Variants in GCSAM observed in about 807,000 individuals in gnomAD.
GCSAM encodes germinal center associated signaling and motility.
In GCSAM, 8 loss-of-function variants were observed where a neutral mutation model predicts 17.6. That is an observed-to-expected ratio of 0.46 (90% CI 0.27 to 0.82). The LOEUF (loss-of-function observed/expected upper bound fraction) is 0.82. Ranked by LOEUF, GCSAM falls within the 40% of genes least tolerant of loss-of-function variation. The pLI is 0.15. For synonymous variants in GCSAM, 68 were observed against 69.0 expected (o/e 0.98, Z 0.07); for missense variants, 192 against 213.5 (o/e 0.90, Z 0.63).
At position 112,123,754 on chromosome 3, in the gene GCSAM, AGGTCT is replaced by A; in HGVS notation, c.233_237del (p.Gln78LeufsTer25). ...AGGGTATAGCACAGCTCCTCTGAGT[AGGTCT>A]GGTCAACATTGTCCTGCTTGTCAAA... is the stretch of plus-strand genomic sequence containing the variant. On this transcript the variant is annotated frameshift_variant, in exon 6 of 6. Coordinates refer to ENST00000308910, the MANE Select transcript of GCSAM (RefSeq NM_152785.5). LOFTEE classifies it low-confidence loss of function (END_TRUNC). 1 of 1,612,980 alleles carries A rather than the reference AGGTCT, an allele frequency of 6.2e-7. No homozygotes were observed. The highest frequency in any genetic ancestry group is 1.1e-5 in the South Asian group (1 of 90,988).
At chr3:112,125,327 A>G (rs1406238736) in intron 4 of GCSAM, 73 bp from the exon 5 acceptor site, 1 of 1,029,414 alleles carries the variant, frequency 9.7e-7, no homozygotes, top group Non-Finnish European at 1.5e-6. Context: ...GGGAGGCTAG[A>G]ATATAAATAA....
chr3:112,133,126 C>T lies in GCSAM; in HGVS notation c.-6G>A. ...CTCAGCAGAGAATTTCCCATCCTCT[C>T]AGTCCTCTCAGGGCTTCCCCTCCGT... On this transcript the variant is annotated 5_prime_UTR_variant, in exon 1 of 6. Coordinates refer to ENST00000308910, the MANE Select transcript of GCSAM (RefSeq NM_152785.5). 3.1e-6 allele frequency: 5 copies of T among 1,613,924 alleles called. No homozygotes were observed. Among genetic ancestry groups the T allele is most frequent in the Non-Finnish European group, 4.2e-6 (5 of 1,179,748 alleles).
At chr3:112,131,074 A>T (rs1408239141) in intron 1 of GCSAM, 1 of 155,648 alleles carries the variant, frequency 6.4e-6, no homozygotes, top group Non-Finnish European at 1.4e-5. Flanking sequence ...ATGAGGATAA[A>T]GAAACTAACA....
At chr3:112,128,263 A>T (rs1458735178) in intron 2 of GCSAM, 1 of 695,694 alleles carries the variant, frequency 1.4e-6, no homozygotes, top group Non-Finnish European at 2.6e-6. Flanking sequence ...ATTCCTAATC[A>T]GGAAAAAAGC....
chr3:112,121,184 G>A lies in GCSAM; in HGVS notation c.*2271C>T, dbSNP rs1011742899. Reference sequence around the variant, plus strand: ...ACAGATAATGCTTTCACAGGATAAGGTTCAAACAAATATAACTTACTATGT... The same window carrying A: ...ACAGATAATGCTTTCACAGGATAAGATTCAAACAAATATAACTTACTATGT... On this transcript the variant is annotated 3_prime_UTR_variant, in exon 6 of 6. Transcript: ENST00000308910. The A allele has an allele frequency of 6.6e-6, 1 of 152,102 alleles. No homozygotes were observed. The highest frequency in any genetic ancestry group is 1.5e-5 in the Non-Finnish European group (1 of 68,036). The allele number at this position is 152,102 out of a possible 1,614,324, so 9.4% of individuals were successfully genotyped here.
intron 2 of GCSAM, 27 bp downstream of exon 2, chr3:112,130,418 G>T (rs374019602): frequency 1.3e-6 from 2 of 1,594,124 alleles, no homozygotes; most frequent in Non-Finnish European, 1.7e-6. Context: ...CAAGGTCTGG[G>T]GGGTGTTTGG....
chr3:112,125,170 G>A, intron 5 of GCSAM, 56 bp downstream of exon 5: 2 of 1,115,530 alleles, frequency 1.8e-6, no homozygotes, highest in East Asian at 2.3e-5. Flanking sequence ...CTGCCATTTA[G>A]GGTGTCTGTA....
Position 112,123,472 on chromosome 3 carries a change from G to T in GCSAM, c.520C>A (p.Gln174Lys). 1.2e-6 allele frequency: 2 copies of T among 1,614,014 alleles called. No homozygotes were observed. The highest frequency in any genetic ancestry group is 2.2e-5 in the South Asian group (2 of 91,070). ...PRPLMAPSET[Q>K]FSHL The stretch of plus-strand genomic sequence containing the variant: ...CCACTTCACTATAAATGGGAAAACT[G>T]AGTCTCAGAAGGGGCCATAAGTGGA... The change falls in exon 6 of 6, where the codon CAG (glutamine) becomes AAG (lysine). Residue 174 changes from glutamine (Q) to lysine (K), a missense_variant. Gln to Lys is a moderately conservative substitution (Grantham distance 53). Transcript: ENST00000308910.
chr3:112,127,975 C>A (rs1243682839), intron 3 of GCSAM, 42 bp downstream of exon 3: 7 of 1,577,294 alleles, frequency 4.4e-6, no homozygotes, highest in Non-Finnish European at 6.1e-6. Flanking sequence ...ACATTGAAAC[C>A]ACACTTAGGG....
chr3:112,132,078 A>G (rs1022443217), intron 1 of GCSAM, among the ~76,000 whole-genome samples: 9 of 152,224 alleles, frequency 5.9e-5, no homozygotes, highest in Non-Finnish European at 1.0e-4. Context: ...AGCATCTCAT[A>G]TCTAGTAATA....
intron 1 of GCSAM, chr3:112,132,571 A>G: frequency 5.5e-6 from 4 of 723,732 alleles, no homozygotes; most frequent in African/African-American, 1.9e-5. Context: ...CTTAAAATAA[A>G]GAGGCTGAGG....
chr3:112,132,250 G>A (rs1253654619), intron 1 of GCSAM, among the ~76,000 whole-genome samples: 3 of 152,080 alleles, frequency 2.0e-5, no homozygotes, highest in African/African-American at 7.2e-5. Flanking sequence ...GTGGTCAAAA[G>A]TGGGCTACCA....
At chr3:112,126,857 A>T (rs2074332503) in intron 4 of GCSAM, 130 bp downstream of exon 4, 1 of 714,106 alleles carries the variant, frequency 1.4e-6, no homozygotes, top group South Asian at 1.6e-5. Flanking sequence ...ATGCAATTGG[A>T]TACAGTAAAG....
At chr3:112,132,542 T>C in intron 1 of GCSAM, 1 of 449,394 alleles carries the variant, frequency 2.2e-6, no homozygotes. Context: ...CTAAGGTAGA[T>C]ATTGTATTAT....
intron 1 of GCSAM, among the ~76,000 whole-genome samples, chr3:112,131,784 A>G (rs2074459101): frequency 6.6e-6 from 1 of 152,252 alleles, no homozygotes; most frequent in Admixed American, 6.5e-5. Flanking sequence ...GTCTTATCTT[A>G]GGAAGAGCAA....
chr3:112,125,361 G>T (rs1559983443), intron 4 of GCSAM, 107 bp from the exon 5 acceptor site: 1 of 771,556 alleles, frequency 1.3e-6, no homozygotes, highest in Admixed American at 1.9e-5. Context: ...AAACAGCTGG[G>T]GTAGCTCTTC....
intron 4 of GCSAM, 25 bp from the exon 5 acceptor site, chr3:112,125,279 G>T: frequency 6.5e-7 from 1 of 1,530,918 alleles, no homozygotes; most frequent in Non-Finnish European, 9.1e-7. Flanking sequence ...TACACTCAAT[G>T]AATTTCAGGT....
At chr3:112,131,316 G>A (rs1248586650) in intron 1 of GCSAM, among the ~76,000 whole-genome samples, 4 of 152,122 alleles carry the variant, frequency 2.6e-5, no homozygotes, top group African/African-American at 9.7e-5. Context: ...GAAGGGATGA[G>A]TGCCATTCTA....
At chr3:112,128,268 A>G (rs2074375551) in intron 2 of GCSAM, 2 of 693,482 alleles carry the variant, frequency 2.9e-6, no homozygotes, top group East Asian at 2.7e-5. Flanking sequence ...TAATCAGGAA[A>G]AAAGCTTTCT....
Sources: allele counts gnomAD v4.1 joint callset (sites outside exome capture counted in the v4.1 genomes callset), GRCh38; gene constraint gnomAD v4.1.1; transcripts MANE v1.5; gene names NCBI Gene and HGNC (gene_info 2026-07-23, HGNC 2026-07-21).